The following GALNTL6 variants were observed in gnomAD, a reference collection of about 807,000 sequenced individuals.
GALNTL6 encodes polypeptide N-acetylgalactosaminyltransferase-like 6.
Under a neutral mutation model 73.7 loss-of-function variants are expected in GALNTL6, and 46 were observed. That is an observed-to-expected ratio of 0.62 (90% confidence interval 0.49 to 0.80). The LOEUF is 0.80. GALNTL6 is among the 30% of genes least tolerant of loss of function. GALNTL6 has a pLI of 0.00. For synonymous variants in GALNTL6, 259 were observed against 263.7 expected (o/e 0.98, Z 0.17); for missense variants, 604 against 755.0 (o/e 0.80, Z 2.34).
At chr4:172,006,132 C>G (rs781158441) in intron 2 of GALNTL6, among the ~76,000 whole-genome samples, 20 of 152,298 alleles carry the variant, frequency 1.3e-4, no homozygotes, top group Middle Eastern at 3.4e-3. Flanking sequence ...TTATCTTTCC[C>G]TGTTTCATTA....
intron 2 of GALNTL6, among the ~76,000 whole-genome samples, chr4:172,115,640 C>G (rs1442905180): frequency 6.6e-6 from 1 of 152,028 alleles, no homozygotes; most frequent in Non-Finnish European, 1.5e-5. Flanking sequence ...ATTGTTAGAA[C>G]AGAGCCACTA....
chr4:171,969,636 T>C (rs1030197684), intron 2 of GALNTL6, among the ~76,000 whole-genome samples: 2 of 152,238 alleles, frequency 1.3e-5, no homozygotes, highest in African/African-American at 4.8e-5. Flanking sequence ...TAGCACTGTG[T>C]TTTCAAGAAA....
chr4:172,570,954 G>A (rs113420198), intron 5 of GALNTL6, among the ~76,000 whole-genome samples: 5 of 152,202 alleles, frequency 3.3e-5, no homozygotes, highest in African/African-American at 9.6e-5. Flanking sequence ...GTTTGTGCTC[G>A]TATGAGCATC....
intron 5 of GALNTL6, among the ~76,000 whole-genome samples, chr4:172,776,719 A>C (rs572031936): frequency 1.3e-5 from 2 of 152,340 alleles, no homozygotes; most frequent in East Asian, 3.9e-4. Flanking sequence ...CTTATCGCTA[A>C]GGTGCCTGCA....
intron 12 of GALNTL6, among the ~76,000 whole-genome samples, chr4:173,031,816 TAC>T (rs1753472197): frequency 6.6e-6 from 1 of 152,104 alleles, no homozygotes; most frequent in African/African-American, 2.4e-5. Flanking sequence ...GAGATTTCAG[TAC>T]AGAGGGGAAG....
chr4:171,874,119 A>G (rs1298408601), intron 2 of GALNTL6, among the ~76,000 whole-genome samples: 4 of 152,136 alleles, frequency 2.6e-5, no homozygotes, highest in Admixed American at 6.6e-5. Context: ...CATGTGCACA[A>G]ACATGGTTAA....
intron 5 of GALNTL6, among the ~76,000 whole-genome samples, chr4:172,458,436 G>GT (rs900226470): frequency 4.6e-5 from 7 of 151,666 alleles, no homozygotes; most frequent in Non-Finnish European, 8.8e-5. Flanking sequence ...TCAGGAGCTG[G>GT]TTTTTTTGAA....
chr4:172,273,138 T>C (rs73870056), intron 3 of GALNTL6, among the ~76,000 whole-genome samples: 6,350 of 152,254 alleles, frequency 0.042, 437 homozygotes, highest in African/African-American at 0.14. Context: ...GGCAATAGCC[T>C]ATGGATAGGA....
chr4:172,554,382 G>A (rs1479591211), intron 5 of GALNTL6, among the ~76,000 whole-genome samples: 2 of 152,080 alleles, frequency 1.3e-5, no homozygotes, highest in African/African-American at 2.4e-5. Flanking sequence ...AGAATTATTG[G>A]CAGACTCAAA....
At chr4:172,765,722 A>G (rs1160383290) in intron 5 of GALNTL6, among the ~76,000 whole-genome samples, 1 of 151,978 alleles carries the variant, frequency 6.6e-6, no homozygotes, top group Admixed American at 6.6e-5. Context: ...TGCTAAATCT[A>G]TTTCCTCTTC....
At chr4:171,940,820 A>AAAAT (rs372040035) in intron 2 of GALNTL6, among the ~76,000 whole-genome samples, 23,700 of 83,010 alleles carry the variant, frequency 0.29, 2,335 homozygotes, top group South Asian at 0.35. Flanking sequence ...TCCATCTCAG[A>AAAAT]AAATAAATAA....
chr4:172,031,299 T>C (rs757425391), intron 2 of GALNTL6, among the ~76,000 whole-genome samples: 15 of 152,044 alleles, frequency 9.9e-5, no homozygotes, highest in Admixed American at 3.9e-4. Flanking sequence ...CAAATTCCAA[T>C]ATGGTCCCTG....
chr4:172,271,210 T>C lies in GALNTL6; in HGVS notation c.248-40404T>C, dbSNP rs1053002150. Among the ~76,000 whole-genome samples the C allele has an allele frequency of 5.3e-5, 8 of 152,290 alleles. No individual in the cohort carries two copies. The East Asian group carries it at 1.5e-3, about 29-fold the overall frequency. ...GTTATAAAAATGCTATTTTGACATA[T>C]ATACGTTGCCTCACCAGAAATTATT... On this transcript the variant is annotated intron_variant, in intron 3 of 12. Coordinates refer to ENST00000506823, the MANE Select transcript of GALNTL6 (RefSeq NM_001034845.3).
intron 3 of GALNTL6, among the ~76,000 whole-genome samples, chr4:172,251,411 G>T (rs150916300): frequency 6.6e-6 from 1 of 152,002 alleles, no homozygotes; most frequent in South Asian, 2.1e-4. Flanking sequence ...TTTAGCACTC[G>T]GGTTCAGCCA....
At chr4:172,454,881 A>C (rs1199667316) in intron 5 of GALNTL6, among the ~76,000 whole-genome samples, 2 of 152,218 alleles carry the variant, frequency 1.3e-5, no homozygotes, top group African/African-American at 4.8e-5. Context: ...CCTTTTCATC[A>C]TGCAGGCATT....
intron 3 of GALNTL6, among the ~76,000 whole-genome samples, chr4:172,288,771 A>T (rs914324686): frequency 1.3e-5 from 2 of 152,132 alleles, no homozygotes; most frequent in African/African-American, 4.8e-5. Flanking sequence ...TGTTTTTTTA[A>T]CTGTAAATTG....
At chr4:172,686,460 A>G (rs1732924881) in intron 5 of GALNTL6, among the ~76,000 whole-genome samples, 1 of 152,186 alleles carries the variant, frequency 6.6e-6, no homozygotes, top group African/African-American at 2.4e-5. Flanking sequence ...AAAGGAATCT[A>G]CACACAAAGA....
chr4:172,775,996 A>C (rs1204832452), intron 5 of GALNTL6, among the ~76,000 whole-genome samples: 1 of 152,104 alleles, frequency 6.6e-6, no homozygotes, highest in African/African-American at 2.4e-5. Flanking sequence ...AGGGAGGAGA[A>C]TCATCCCCAA....
At chr4:172,156,561 A>AG (rs140796580) in intron 2 of GALNTL6, among the ~76,000 whole-genome samples, 1 of 91,648 alleles carries the variant, frequency 1.1e-5, no homozygotes, top group African/African-American at 4.6e-5. Context: ...ATATATATAT[A>AG]TATATACATA....
Sources: gnomAD v4.1 joint callset for allele counts (sites outside exome capture counted in the v4.1 genomes callset) on GRCh38, gnomAD v4.1.1 for gene constraint, MANE v1.5 for transcripts, NCBI Gene and HGNC (gene_info 2026-07-23, HGNC 2026-07-21) for gene names.